The following ELAPOR2 variants were observed in gnomAD, a reference collection of about 807,000 sequenced individuals.
ELAPOR2 encodes endosome-lysosome associated apoptosis and autophagy regulator family member 2.
ELAPOR2 carries 89 observed loss-of-function variants against 120.7 expected under a neutral mutation model. That is an observed-to-expected ratio of 0.74 (90% CI 0.62 to 0.88). The LOEUF (loss-of-function observed/expected upper bound fraction) is 0.88, where lower values mean the gene tolerates loss of function less well. Among genes scored for constraint, ELAPOR2 ranks in the 40% least tolerant of loss-of-function variants. The pLI, the probability that ELAPOR2 is intolerant of heterozygous loss-of-function variation, is 0.00. For synonymous variants in ELAPOR2, 444 were observed against 444.9 expected (o/e 1.00, Z 0.03); for missense variants, 1,134 against 1,251.6 (o/e 0.91, Z 1.42).
chr7:87,031,973 T>A (rs1794436389), intron 1 of ELAPOR2, among the ~76,000 whole-genome samples: 1 of 151,978 alleles, frequency 6.6e-6, no homozygotes, highest in Non-Finnish European at 1.5e-5. Context: ...TATCTAAAAT[T>A]CTATAAAATG....
intron 1 of ELAPOR2, among the ~76,000 whole-genome samples, chr7:87,012,255 C>CA (rs1371297485): frequency 1.3e-5 from 2 of 151,954 alleles, no homozygotes; most frequent in East Asian, 1.9e-4. Context: ...ACTAAAAATA[C>CA]AAAAATTAGC....
intron 1 of ELAPOR2, among the ~76,000 whole-genome samples, chr7:86,986,577 G>A (rs1792748804): frequency 6.7e-6 from 1 of 148,210 alleles, no homozygotes; most frequent in African/African-American, 2.5e-5. Flanking sequence ...GACAAATCAT[G>A]AGTGAACTCC....
At chr7:86,933,876 G>C (rs977938953) in intron 8 of ELAPOR2, among the ~76,000 whole-genome samples, 1 of 151,930 alleles carries the variant, frequency 6.6e-6, no homozygotes, top group African/African-American at 2.4e-5. Context: ...TCTTCTAGGG[G>C]ACTAGGTTTG....
intron 1 of ELAPOR2, among the ~76,000 whole-genome samples, chr7:86,984,090 G>A (rs939493694): frequency 1.3e-5 from 2 of 151,962 alleles, no homozygotes; most frequent in African/African-American, 4.8e-5. Flanking sequence ...TCAAAAGAGA[G>A]GAAGGCCACT....
chr7:86,939,865 C>T (rs2116335168), intron 6 of ELAPOR2, 145 bp downstream of exon 6: 1 of 421,896 alleles, frequency 2.4e-6, no homozygotes, highest in East Asian at 3.5e-5. Flanking sequence ...GGAGTAAAAC[C>T]AGGGTCTCCA....
intron 1 of ELAPOR2, among the ~76,000 whole-genome samples, chr7:87,032,446 A>C (rs897519187): frequency 1.6e-4 from 25 of 152,208 alleles, no homozygotes; most frequent in African/African-American, 6.0e-4. Flanking sequence ...TTACACATCA[A>C]TTTGTCCATC....
chr7:87,043,991 G>A (rs1375267931), intron 1 of ELAPOR2, among the ~76,000 whole-genome samples: 2 of 149,288 alleles, frequency 1.3e-5, no homozygotes, highest in Non-Finnish European at 3.0e-5. Context: ...AATCATGAGT[G>A]AACTCCCATT....
intron 18 of ELAPOR2, among the ~76,000 whole-genome samples, chr7:86,905,415 CTG>C (rs528229189): frequency 1.5e-4 from 23 of 151,996 alleles, no homozygotes; most frequent in Non-Finnish European, 2.8e-4. Flanking sequence ...CCCTTGTGCC[CTG>C]ATGGGAAATT....
intron 1 of ELAPOR2, among the ~76,000 whole-genome samples, chr7:86,998,050 G>A (rs1441925358): frequency 6.6e-6 from 1 of 152,076 alleles, no homozygotes; most frequent in Non-Finnish European, 1.5e-5. Context: ...TCACTAACGG[G>A]AAGTCTAGAA....
intron 1 of ELAPOR2, among the ~76,000 whole-genome samples, chr7:86,974,572 AC>A (rs1792209858): frequency 8.3e-6 from 1 of 120,196 alleles, no homozygotes. Context: ...ATATATCTGA[AC>A]CCCTGTAGTG....
At chr7:86,908,405 T>G in intron 17 of ELAPOR2, 42 bp downstream of exon 17, 1 of 1,078,458 alleles carries the variant, frequency 9.3e-7, no homozygotes, top group Non-Finnish European at 1.4e-6. Context: ...ATAAGTTTCT[T>G]TTGGTTAAAA....
intron 12 of ELAPOR2, 146 bp downstream of exon 12, chr7:86,918,296 A>T (rs1249948520): frequency 1.9e-6 from 1 of 531,510 alleles, no homozygotes; most frequent in East Asian, 3.0e-5. Flanking sequence ...GACATTTGTT[A>T]ATGTTTGTGA....
chr7:86,902,069 A>C (rs577910905), intron 18 of ELAPOR2, among the ~76,000 whole-genome samples: 1 of 152,322 alleles, frequency 6.6e-6, no homozygotes, highest in East Asian at 1.9e-4. Flanking sequence ...CAGCAGATTC[A>C]GTGTCTGGTG....
chr7:86,986,795 C>T (rs1792756965), intron 1 of ELAPOR2, among the ~76,000 whole-genome samples: 1 of 151,150 alleles, frequency 6.6e-6, no homozygotes, highest in Non-Finnish European at 1.5e-5. Flanking sequence ...AGATTCAATG[C>T]CATCTCTATC....
chr7:86,899,398 C>A (rs899240318), intron 18 of ELAPOR2, among the ~76,000 whole-genome samples: 4 of 152,146 alleles, frequency 2.6e-5, no homozygotes, highest in African/African-American at 9.7e-5. Context: ...GCCCTGAAAA[C>A]CTCCTTTAGA....
At chr7:86,931,549 C>T (rs544039193) in intron 8 of ELAPOR2, among the ~76,000 whole-genome samples, 3 of 151,908 alleles carry the variant, frequency 2.0e-5, no homozygotes, top group Admixed American at 1.3e-4. Context: ...TTTCTCATAC[C>T]GTATGCCAAA....
At chr7:87,005,820 T>C (rs1161616226) in intron 1 of ELAPOR2, among the ~76,000 whole-genome samples, 1 of 152,150 alleles carries the variant, frequency 6.6e-6, no homozygotes, top group East Asian at 1.9e-4. Flanking sequence ...ATAAACATTT[T>C]GAGGAAAACA....
intron 21 of ELAPOR2, among the ~76,000 whole-genome samples, chr7:86,883,848 T>C (rs1321027248): frequency 6.6e-6 from 1 of 152,178 alleles, no homozygotes; most frequent in Admixed American, 6.6e-5. Context: ...TTCTCAAAAT[T>C]CATTAAATTG....
At chr7:86,947,126 C>T (rs1181253267) in intron 3 of ELAPOR2, among the ~76,000 whole-genome samples, 1 of 152,114 alleles carries the variant, frequency 6.6e-6, no homozygotes, top group Non-Finnish European at 1.5e-5. Flanking sequence ...GTTGAATTCT[C>T]CTAAGCAAAT....
Sources: allele counts gnomAD v4.1 joint callset (sites outside exome capture counted in the v4.1 genomes callset), GRCh38; gene constraint gnomAD v4.1.1; transcripts MANE v1.5; gene names NCBI Gene and HGNC (gene_info 2026-07-23, HGNC 2026-07-21).